Variants in ADAM12 observed in about 807,000 individuals in gnomAD.
ADAM12 encodes disintegrin and metalloproteinase domain-containing protein 12.
ADAM12 carries 70 observed loss-of-function variants against 106.4 expected under a neutral mutation model. That is an observed-to-expected ratio of 0.66 (90% CI 0.54 to 0.80). ADAM12 has a LOEUF of 0.80. ADAM12 is among the 30% of genes least tolerant of loss of function. ADAM12 has a pLI of 0.00. For missense variants in ADAM12, 1,010 were observed against 1,171.9 expected, an observed-to-expected ratio of 0.86 and a Z score of 2.02; for synonymous variants, 420 against 433.5, an observed-to-expected ratio of 0.97 and a Z score of 0.39.
chr10:126,358,539 C>T (rs966047780), intron 1 of ADAM12, among the ~76,000 whole-genome samples: 1 of 152,192 alleles, frequency 6.6e-6, no homozygotes, highest in Non-Finnish European at 1.5e-5. Flanking sequence ...TAACATCATA[C>T]TCAATGGTAA....
intron 3 of ADAM12, among the ~76,000 whole-genome samples, chr10:126,199,446 G>C (rs1341512612): frequency 6.6e-6 from 1 of 152,160 alleles, no homozygotes; most frequent in Non-Finnish European, 1.5e-5. Flanking sequence ...CCATGACTCA[G>C]CCATATTGTC....
chr10:126,272,710 T>C (rs1959184607), intron 3 of ADAM12: 1 of 161,426 alleles, frequency 6.2e-6, no homozygotes, highest in Non-Finnish European at 1.4e-5. Context: ...GATGTCCACC[T>C]GGTGAGTCAC....
intron 3 of ADAM12, among the ~76,000 whole-genome samples, chr10:126,174,846 G>A (rs1315553945): frequency 2.7e-5 from 4 of 150,712 alleles, no homozygotes; most frequent in East Asian, 2.0e-4. Flanking sequence ...TCCGCCTTCC[G>A]GGTTCACGCC....
At chr10:126,135,503 C>G (rs1328526350) in intron 5 of ADAM12, 81 bp downstream of exon 5, 1 of 1,396,024 alleles carries the variant, frequency 7.2e-7, no homozygotes. Flanking sequence ...ACTCTCAGTG[C>G]TTTAGCACGA....
At chr10:126,211,974 C>A (rs915488152) in intron 3 of ADAM12, among the ~76,000 whole-genome samples, 3 of 152,280 alleles carry the variant, frequency 2.0e-5, no homozygotes, top group South Asian at 4.1e-4. Flanking sequence ...GTTGTGAAGT[C>A]CAGAGTGGGA....
intron 1 of ADAM12, among the ~76,000 whole-genome samples, chr10:126,344,844 G>C (rs1266979582): frequency 1.3e-5 from 2 of 152,160 alleles, no homozygotes; most frequent in African/African-American, 4.8e-5. Flanking sequence ...TGGTGTATAA[G>C]AATGCTTGTG....
At chr10:126,164,861 T>A (rs1031487190) in intron 3 of ADAM12, among the ~76,000 whole-genome samples, 8 of 152,194 alleles carry the variant, frequency 5.3e-5, no homozygotes, top group Admixed American at 2.6e-4. Flanking sequence ...AGATTCTCTG[T>A]AAAACCAGTA....
intron 3 of ADAM12, among the ~76,000 whole-genome samples, chr10:126,201,132 G>A (rs1390105942): frequency 6.6e-6 from 1 of 152,162 alleles, no homozygotes; most frequent in African/African-American, 2.4e-5. Flanking sequence ...GGGATCATTT[G>A]AGAAAGGATA....
At chr10:126,119,761 T>C (rs902096567) in intron 5 of ADAM12, among the ~76,000 whole-genome samples, 2 of 152,174 alleles carry the variant, frequency 1.3e-5, no homozygotes, top group Non-Finnish European at 2.9e-5. Context: ...CTTCTGGAGC[T>C]CACAGCTAAG....
At chr10:126,143,187 A>G (rs12761632) in intron 4 of ADAM12, among the ~76,000 whole-genome samples, 48,717 of 148,936 alleles carry the variant, frequency 0.33, 8,086 homozygotes, top group Non-Finnish European at 0.38. Flanking sequence ...TGTATATGGT[A>G]TCTGTGTATA....
At chr10:126,368,041 G>A (rs536631305) in intron 1 of ADAM12, among the ~76,000 whole-genome samples, 1 of 151,836 alleles carries the variant, frequency 6.6e-6, no homozygotes, top group East Asian at 1.9e-4. Context: ...ACCCAGATCT[G>A]TCTCTATATG....
At chr10:126,365,688 C>G (rs1855884460) in intron 1 of ADAM12, among the ~76,000 whole-genome samples, 1 of 152,168 alleles carries the variant, frequency 6.6e-6, no homozygotes, top group Non-Finnish European at 1.5e-5. Flanking sequence ...CTCACTATCA[C>G]AAGAATAGCA....
At chr10:126,375,569 G>A (rs1266024239) in intron 1 of ADAM12, among the ~76,000 whole-genome samples, 1 of 151,890 alleles carries the variant, frequency 6.6e-6, no homozygotes, top group Non-Finnish European at 1.5e-5. Flanking sequence ...TACTAAAACT[G>A]TGGAAACAGA....
At chr10:126,141,911 G>A (rs1158844196) in intron 4 of ADAM12, among the ~76,000 whole-genome samples, 1 of 152,142 alleles carries the variant, frequency 6.6e-6, no homozygotes, top group Non-Finnish European at 1.5e-5. Flanking sequence ...CAATATTCTA[G>A]CCAGAAGGAA....
chr10:126,022,915 A>G (rs955405455), intron 21 of ADAM12, among the ~76,000 whole-genome samples: 3 of 152,232 alleles, frequency 2.0e-5, no homozygotes, highest in Admixed American at 2.0e-4. Context: ...TGTTCTGGCA[A>G]TAGCCACATA....
intron 6 of ADAM12, among the ~76,000 whole-genome samples, chr10:126,113,711 T>A (rs1343774273): frequency 4.5e-4 from 32 of 70,864 alleles, no homozygotes; most frequent in African/African-American, 1.0e-3. Flanking sequence ...TATATATATA[T>A]ATATATATAT....
chr10:126,184,598 A>G (rs1276610133), intron 3 of ADAM12, among the ~76,000 whole-genome samples: 1 of 152,218 alleles, frequency 6.6e-6, no homozygotes, highest in Non-Finnish European at 1.5e-5. Flanking sequence ...TAAGGGATTC[A>G]GTGCTAAAGT....
chr10:126,066,920 C>T lies in ADAM12; in HGVS notation c.1324-114G>A. On this transcript the variant is annotated intron_variant, in intron 12 of 22. Transcript: ENST00000448723. The surrounding 1 kb of genome is among the most constrained non-coding windows in gnomAD (Gnocchi z 5.1). The stretch of plus-strand genomic sequence containing the variant: ...AGCAAGAAAGACCAAGAGGGCCCAG[C>T]TCCTGAACTGCACACCTGCCTGTTT... The T allele has an allele frequency of 2.1e-6, 2 of 955,766 alleles. No homozygotes were observed. Among genetic ancestry groups the T allele is most frequent in the South Asian group, 1.5e-5 (1 of 67,010 alleles). The allele number at this position is 955,766 out of a possible 1,614,324, so 59.2% of individuals were successfully genotyped here.
intron 3 of ADAM12, among the ~76,000 whole-genome samples, chr10:126,241,250 C>T (rs1051769308): frequency 6.6e-6 from 1 of 152,152 alleles, no homozygotes; most frequent in African/African-American, 2.4e-5. Flanking sequence ...GTGACTTTAA[C>T]AGGTTTGGGG....
Sources: gnomAD v4.1 joint callset for allele counts (sites outside exome capture counted in the v4.1 genomes callset) on GRCh38, gnomAD v4.1.1 for gene constraint, Gnocchi (gnomAD v3.1) non-coding constraint, MANE v1.5 for transcripts, NCBI Gene and HGNC (gene_info 2026-07-23, HGNC 2026-07-21) for gene names.